ZNF282: variants seen among roughly 807,000 people sequenced by gnomAD.
ZNF282 encodes the protein zinc finger protein 282.
Under a neutral mutation model 61.9 loss-of-function variants are expected in ZNF282, and 30 were observed. That is an observed-to-expected ratio of 0.48 (90% confidence interval 0.36 to 0.66). ZNF282 has a LOEUF of 0.66. Ranked by LOEUF, ZNF282 falls within the 30% of genes least tolerant of loss-of-function variation. ZNF282 has a pLI of 0.00. For synonymous variants in ZNF282, 396 were observed against 405.0 expected (o/e 0.98, Z 0.27); for missense variants, 788 against 941.4 (o/e 0.84, Z 2.13).
chr7:149,222,405 C>T (rs571360965), intron 7 of ZNF282, among the ~76,000 whole-genome samples: 97 of 152,284 alleles, frequency 6.4e-4, no homozygotes, highest in African/African-American at 2.3e-3. Context: ...GTTTCCAGCT[C>T]CCTGCATTCC....
chr7:149,201,694 G>A (rs1427723092), intron 2 of ZNF282, among the ~76,000 whole-genome samples: 1 of 152,132 alleles, frequency 6.6e-6, no homozygotes, highest in Non-Finnish European at 1.5e-5. Flanking sequence ...AGAGGCTGCA[G>A]TGAGCTGAGA....
chr7:149,203,129 T>TC (rs1157657040), intron 2 of ZNF282, among the ~76,000 whole-genome samples: 4 of 152,238 alleles, frequency 2.6e-5, no homozygotes, highest in African/African-American at 9.6e-5. Flanking sequence ...TTTGCATATG[T>TC]CGCTTGTCTA....
chr7:149,204,324 A>G (rs1380754153), intron 2 of ZNF282, among the ~76,000 whole-genome samples: 1 of 152,194 alleles, frequency 6.6e-6, no homozygotes, highest in Non-Finnish European at 1.5e-5. Context: ...GTTTCAGAGA[A>G]TGGAAGGTAC....
At chr7:149,204,799 C>T (rs904550417) in intron 2 of ZNF282, among the ~76,000 whole-genome samples, 1 of 152,076 alleles carries the variant, frequency 6.6e-6, no homozygotes, top group African/African-American at 2.4e-5. Context: ...ATGTCATCTG[C>T]GGAGTTCTAG....
At chr7:149,212,712 C>T (rs948575788) in intron 6 of ZNF282, among the ~76,000 whole-genome samples, 10 of 152,214 alleles carry the variant, frequency 6.6e-5, no homozygotes, top group Middle Eastern at 3.4e-3. Context: ...TCCTGAGTAG[C>T]TGAGATTACA....
At chr7:149,199,051 T>C (rs1462196380) in intron 2 of ZNF282, among the ~76,000 whole-genome samples, 1 of 152,198 alleles carries the variant, frequency 6.6e-6, no homozygotes, top group African/African-American at 2.4e-5. Context: ...TCTTCACTCC[T>C]TGGTTTTCCC....
At chr7:149,220,820 T>C (rs1035197943) in intron 7 of ZNF282, among the ~76,000 whole-genome samples, 2 of 151,168 alleles carry the variant, frequency 1.3e-5, no homozygotes, top group Non-Finnish European at 2.9e-5. Flanking sequence ...GGGCGTAGGA[T>C]AGAGGAGGAA....
In ZNF282 at chr7:149,225,835, C is replaced by A; in HGVS notation, c.*1188C>A. ...CCCTGCAGGCGCCTCGGGAAGCGCC[C>A]AAAGGATTCCCCTTCACGTTGGTGC... On this transcript the variant is annotated 3_prime_UTR_variant, in exon 8 of 8. Coordinates refer to ENST00000610704, the MANE Select transcript of ZNF282 (RefSeq NM_003575.4). 1 of 152,864 alleles carries A rather than the reference C, an allele frequency of 6.5e-6. No homozygotes were observed. The highest frequency in any genetic ancestry group is 1.5e-5 in the Non-Finnish European group (1 of 68,116). The allele number at this position is 152,864 out of a possible 1,614,324, so 9.5% of individuals were successfully genotyped here.
chr7:149,202,505 G>A (rs867758469), intron 2 of ZNF282, among the ~76,000 whole-genome samples: 2 of 151,960 alleles, frequency 1.3e-5, no homozygotes, highest in Middle Eastern at 3.4e-3. Context: ...TAGTAGAGAC[G>A]GGGTTTCACT....
intron 1 of ZNF282, among the ~76,000 whole-genome samples, chr7:149,197,557 C>T (rs1795838687): frequency 6.6e-6 from 1 of 152,202 alleles, no homozygotes; most frequent in African/African-American, 2.4e-5. Context: ...ACTGCAACCT[C>T]CGCTTCCCAG....
intron 2 of ZNF282, among the ~76,000 whole-genome samples, chr7:149,200,453 G>A (rs1795890193): frequency 1.3e-5 from 2 of 152,144 alleles, no homozygotes; most frequent in Non-Finnish European, 2.9e-5. Flanking sequence ...ACCAGCTGCT[G>A]TGTCTCATTG....
intron 1 of ZNF282, among the ~76,000 whole-genome samples, chr7:149,196,996 A>G (rs1026681440): frequency 1.5e-4 from 23 of 152,278 alleles, no homozygotes; most frequent in African/African-American, 5.5e-4. Flanking sequence ...GAGGACAGAA[A>G]ATGACACCTC....
chr7:149,210,609 A>G lies in ZNF282; in HGVS notation c.857A>G (p.Gln286Arg), dbSNP rs761056763. Residue 286 changes from glutamine to arginine, a missense_variant, in exon 5 of 8, where the codon CAG becomes CGG. Gln to Arg is a conservative substitution (Grantham distance 43). Around this residue, in one of 3 missense-constraint regions of ZNF282, gnomAD observed 559 missense variants for 642.0 expected, o/e 0.87. Transcript: ENST00000610704. ...EAGAEPLVPA[Q>R]DASSQVKRED... ...GGAGCAGAGCCCCTGGTGCCTGCGC[A>G]GGATGCGTCCTCCCAGGTGAAGCGT... 6.2e-6 allele frequency: 10 copies of G among 1,612,066 alleles called. No homozygotes were observed. The South Asian group carries it at 1.0e-4, about 16-fold the overall frequency.
chr7:149,201,281 C>T (rs1795904988), intron 2 of ZNF282, among the ~76,000 whole-genome samples: 1 of 152,184 alleles, frequency 6.6e-6, no homozygotes, highest in South Asian at 2.1e-4. Flanking sequence ...TCACCACCTC[C>T]ACTCCCATCG....
chr7:149,212,192 T>C (rs1406073753), intron 5 of ZNF282, 166 bp from the exon 6 acceptor site: 2 of 519,816 alleles, frequency 3.8e-6, no homozygotes, highest in South Asian at 2.9e-5. Flanking sequence ...GCTCCGTTAA[T>C]TGGGGCCAAG....
chr7:149,212,417 G>T lies in ZNF282; in HGVS notation c.1012G>T (p.Val338Leu), dbSNP rs137930836. The change falls in exon 6 of 8, where the codon GTG becomes TTG. Residue 338 changes from valine (V) to leucine (L), a missense_variant. Val to Leu is a conservative substitution (Grantham distance 32, BLOSUM62 1). This residue lies in a region of ZNF282 where 559 missense variants were observed against 642.0 expected (regional missense o/e 0.87). Transcript: ENST00000610704. ...GATTAAACAGGAGGAGCATCAGTGCGTGTGGGATCAGCAGGATTTGGCAGA... is the reference window on the plus strand; with the variant it reads ...GATTAAACAGGAGGAGCATCAGTGCTTGTGGGATCAGCAGGATTTGGCAGA... ...SRIKQEEHQCVWDQQDLADRD... is the reference protein window; with the variant it reads ...SRIKQEEHQCLWDQQDLADRD... 6.2e-7 allele frequency: 1 copy of T among 1,613,316 alleles called. No individual in the cohort carries two copies. The highest frequency in any genetic ancestry group is 2.2e-5 in the East Asian group (1 of 44,854).
chr7:149,208,340 C>G (rs1232436599), intron 4 of ZNF282, among the ~76,000 whole-genome samples: 1 of 152,134 alleles, frequency 6.6e-6, no homozygotes, highest in South Asian at 2.1e-4. Context: ...GTAGCTGGGA[C>G]TACAGGCATA....
At chr7:149,211,213 T>G (rs4727031) in intron 5 of ZNF282, among the ~76,000 whole-genome samples, 1 of 151,960 alleles carries the variant, frequency 6.6e-6, no homozygotes, top group African/African-American at 2.4e-5. Context: ...AGCTCTGTTA[T>G]AGCAGATGTA....
At position 149,206,676 on chromosome 7, in the gene ZNF282, T is replaced by G; in HGVS notation, c.586-20T>G. ...GGAGGAACAGGCAGGAGGCGCTAGATTAACCGCTTGTTGGCTTAGGTTCCA... is the reference window on the plus strand; with the variant it reads ...GGAGGAACAGGCAGGAGGCGCTAGAGTAACCGCTTGTTGGCTTAGGTTCCA... On this transcript the variant is annotated intron_variant, in intron 2 of 7. Transcript: ENST00000610704. The G allele has an allele frequency of 1.9e-6, 3 of 1,614,020 alleles. No individual in the cohort carries two copies. The highest frequency in any genetic ancestry group is 2.5e-6 in the Non-Finnish European group (3 of 1,179,972).
Sources: allele counts gnomAD v4.1 joint callset (sites outside exome capture counted in the v4.1 genomes callset), GRCh38; gene constraint gnomAD v4.1.1; regional missense constraint gnomAD v4.1.1; transcripts MANE v1.5; gene names NCBI Gene and HGNC (gene_info 2026-07-23, HGNC 2026-07-21).